GABRB2: variants seen among roughly 807,000 people sequenced by gnomAD.
GABRB2 encodes gamma-aminobutyric acid type A receptor subunit beta2.
GABRB2 carries 16 observed loss-of-function variants against 54.7 expected under a neutral mutation model. That is an observed-to-expected ratio of 0.29 (90% CI 0.20 to 0.44). The LOEUF (loss-of-function observed/expected upper bound fraction) is 0.44, where lower values mean the gene tolerates loss of function less well. Ranked by LOEUF, GABRB2 falls within the 20% of genes least tolerant of loss-of-function variation. The probability of loss-of-function intolerance (pLI) is 1.00; values close to 1 mark genes in which losing one functional copy is unlikely to be tolerated. For missense variants in GABRB2, 355 were observed against 644.0 expected (o/e 0.55, Z 4.86); for synonymous variants, 244 against 233.8 (o/e 1.04, Z -0.40).
chr5:161,364,183 T>C (rs184549751), intron 5 of GABRB2, among the ~76,000 whole-genome samples: 1 of 152,288 alleles, frequency 6.6e-6, no homozygotes, highest in Admixed American at 6.5e-5. Flanking sequence ...AAAATAGGAT[T>C]ATTTATGATT....
At chr5:161,479,733 G>A (rs761949043) in intron 3 of GABRB2, among the ~76,000 whole-genome samples, 3 of 151,824 alleles carry the variant, frequency 2.0e-5, no homozygotes, top group Non-Finnish European at 4.4e-5. Flanking sequence ...GGGAGTACAG[G>A]TGCATGCCAC....
intron 3 of GABRB2, among the ~76,000 whole-genome samples, chr5:161,507,181 T>G (rs1581042891): frequency 6.6e-6 from 1 of 151,890 alleles, no homozygotes; most frequent in East Asian, 1.9e-4. Flanking sequence ...GGGAGGGAAA[T>G]GGGAGTCATG....
At chr5:161,479,223 T>C (rs1045923129) in intron 3 of GABRB2, among the ~76,000 whole-genome samples, 2 of 152,084 alleles carry the variant, frequency 1.3e-5, no homozygotes, top group South Asian at 2.1e-4. Flanking sequence ...CAAAGTTTTA[T>C]CACTCACTCT....
Position 161,294,188 on chromosome 5 carries a change from T to C in GABRB2, c.1432A>G (p.Ile478Val). ...GCATTCACATCAGTCAAGTCAGGGA[T>C]GGTGATTTTCAGTTGGGAGGCGCGT... ...RRRASQLKIT[I>V]PDLTDVNAID... The change falls in exon 10 of 10, where the codon ATC (isoleucine) becomes GTC (valine). Residue 478 changes from isoleucine (I) to valine (V), a missense_variant. Physicochemically the swap from Ile to Val is conservative, Grantham distance 29 (BLOSUM62 3). Transcript: ENST00000393959. 6.2e-7 allele frequency: 1 copy of C among 1,614,080 alleles called. No individual in the cohort carries two copies. The highest frequency in any genetic ancestry group is 8.5e-7 in the Non-Finnish European group (1 of 1,179,996).
intron 5 of GABRB2, among the ~76,000 whole-genome samples, chr5:161,351,783 T>C (rs1344948232): frequency 2.0e-5 from 3 of 151,982 alleles, no homozygotes; most frequent in Non-Finnish European, 4.4e-5. Context: ...AATAGGAGAA[T>C]GTATTTGCAC....
intron 4 of GABRB2, among the ~76,000 whole-genome samples, chr5:161,413,827 T>G (rs1756589278): frequency 6.6e-6 from 1 of 152,110 alleles, no homozygotes; most frequent in South Asian, 2.1e-4. Flanking sequence ...GAGAGCCAAG[T>G]ATAGAAGCCT....
chr5:161,309,151 A>C (rs180732082), intron 9 of GABRB2, among the ~76,000 whole-genome samples: 1 of 152,346 alleles, frequency 6.6e-6, no homozygotes, highest in Admixed American at 6.5e-5. Context: ...AACTTAAGCA[A>C]ATTTACAAGA....
intron 9 of GABRB2, among the ~76,000 whole-genome samples, chr5:161,323,684 ACTCT>A (rs147193754): frequency 6.6e-6 from 1 of 151,328 alleles, no homozygotes; most frequent in African/African-American, 2.4e-5. Flanking sequence ...TTTGGAGTCT[ACTCT>A]CTCTCCTCTT....
chr5:161,480,841 T>A lies in GABRB2; in HGVS notation c.238-20997A>T, dbSNP rs111680790. 2.1e-3 allele frequency among the ~76,000 whole-genome samples: 315 copies of A among 152,096 alleles called. 3 individuals carry two copies. The highest frequency in any genetic ancestry group is 7.2e-3 in the African/African-American group (300 of 41,534). ...CCACTTTTATCCATTAAGAAATGCA[T>A]AAAAGTTTAATTTGAGGGTGAATGT... On this transcript the variant is annotated intron_variant, in intron 3 of 9. Transcript: ENST00000393959.
At chr5:161,390,121 C>T (rs1222964361) in intron 5 of GABRB2, among the ~76,000 whole-genome samples, 1 of 151,960 alleles carries the variant, frequency 6.6e-6, no homozygotes, top group African/African-American at 2.4e-5. Context: ...CATATGTAAA[C>T]TAATAGATAA....
Position 161,289,214 on chromosome 5 carries a change from A to G in GABRB2, c.*4867T>C, listed in dbSNP as rs1167461495. The G allele has an allele frequency of 7.0e-6, 1 of 141,848 alleles. No homozygotes were observed. The highest frequency in any genetic ancestry group is 1.5e-5 in the Non-Finnish European group (1 of 66,402). 8.8% of individuals were successfully genotyped at this position (141,848 alleles called of 1,614,324 possible). A position where few individuals can be genotyped will look rare whatever the true frequency, so the allele number is the denominator to read the frequency against. ...TTACTTCAATTTCCAAAAACCTAGT[A>G]GCTTTTTAAGAGTGCTGCTTTTTTT... On this transcript the variant is annotated 3_prime_UTR_variant, in exon 10 of 10. Transcript: ENST00000393959.
chr5:161,546,852 A>G, upstream of GABRB2: 6 of 1,045,800 alleles, frequency 5.7e-6, no homozygotes, highest in Non-Finnish European at 7.9e-6. Context: ...ATGTATATGT[A>G]TAATACATAC....
chr5:161,459,731 C>T lies in GABRB2; in HGVS notation c.351G>A (p.Val117=), dbSNP rs1467844661. 2.5e-6 allele frequency: 4 copies of T among 1,614,002 alleles called. No individual in the cohort carries two copies. Among genetic ancestry groups the T allele is most frequent in the Non-Finnish European group, 3.4e-6 (4 of 1,179,966 alleles). ...LDNRVADQLW[V]PDTYFLNDKK... ...TATCGTTCAGGAAATAGGTATCAGG[C>T]ACCCAGAGCTGGTCTGCCACTCTGT... The change falls in exon 4 of 10, where the codon GTG becomes GTA. Residue 117 remains valine, a synonymous_variant. Transcript: ENST00000393959.
chr5:161,395,234 G>T (rs976242836), intron 5 of GABRB2, among the ~76,000 whole-genome samples: 1 of 152,028 alleles, frequency 6.6e-6, no homozygotes, highest in Non-Finnish European at 1.5e-5. Flanking sequence ...CGAGTTTCTA[G>T]CCTTACAAAA....
At chr5:161,312,037 T>TGTGTGTGC (rs1311597076) in intron 9 of GABRB2, among the ~76,000 whole-genome samples, 2 of 151,998 alleles carry the variant, frequency 1.3e-5, no homozygotes, top group Non-Finnish European at 2.9e-5. Flanking sequence ...TGTGTGTGTG[T>TGTGTGTGC]GTGTGTGCTC....
chr5:161,450,647 G>A (rs1355305790), intron 4 of GABRB2, among the ~76,000 whole-genome samples: 1 of 152,080 alleles, frequency 6.6e-6, no homozygotes, highest in Non-Finnish European at 1.5e-5. Flanking sequence ...TCTGTGGTTT[G>A]CCATCGTCTC....
chr5:161,375,880 T>TA (rs1248039374), intron 5 of GABRB2, among the ~76,000 whole-genome samples: 1 of 152,126 alleles, frequency 6.6e-6, no homozygotes, highest in Admixed American at 6.6e-5. Flanking sequence ...CCAACCAGGA[T>TA]AAAAAAGTAC....
intron 5 of GABRB2, among the ~76,000 whole-genome samples, chr5:161,358,393 C>G (rs1754702987): frequency 6.6e-6 from 1 of 151,608 alleles, no homozygotes; most frequent in South Asian, 2.1e-4. Flanking sequence ...AAAATAGAGA[C>G]TAGGTGACTA....
intron 3 of GABRB2, among the ~76,000 whole-genome samples, chr5:161,519,896 G>A (rs1390200254): frequency 6.6e-6 from 1 of 152,068 alleles, no homozygotes; most frequent in Non-Finnish European, 1.5e-5. Context: ...GCCAAGCAAG[G>A]TCAAAGAGGA....
Sources: allele counts gnomAD v4.1 joint callset (sites outside exome capture counted in the v4.1 genomes callset), GRCh38; gene constraint gnomAD v4.1.1; transcripts MANE v1.5; gene names NCBI Gene and HGNC (gene_info 2026-07-23, HGNC 2026-07-21).